The following SRRM4 variants were observed in gnomAD, a reference collection of about 807,000 sequenced individuals.
SRRM4 encodes the protein serine/arginine repetitive matrix 4, also known as serine/arginine repetitive matrix protein 4.
A neutral mutation model predicts 68.9 loss-of-function variants in SRRM4; 33 were observed. The observed-to-expected ratio is 0.48, with a 90% CI of 0.36 to 0.64. The LOEUF is 0.64. SRRM4 is among the 30% of genes least tolerant of loss of function. SRRM4 has a pLI of 0.00. For missense variants in SRRM4, 817 were observed against 827.1 expected (o/e 0.99, Z 0.15); for synonymous variants, 318 against 318.8 (o/e 1.00, Z 0.03).
chr12:119,122,527 A>G (rs1255427974), intron 6 of SRRM4, among the ~76,000 whole-genome samples: 1 of 152,106 alleles, frequency 6.6e-6, no homozygotes, highest in African/African-American at 2.4e-5. Flanking sequence ...CATAGTATGT[A>G]TATATCTAGT....
chr12:119,122,300 A>AGGAAGGAAGGAAGGC (rs1565913366), intron 6 of SRRM4, among the ~76,000 whole-genome samples, 180 bp downstream of exon 6: 15 of 67,044 alleles, frequency 2.2e-4, no homozygotes, highest in African/African-American at 5.7e-4. Context: ...GGCAGGAAGG[A>AGGAAGGAAGGAAGGC]AGGAAGGAAG....
At chr12:118,987,764 T>A (rs1953291402) in intron 1 of SRRM4, among the ~76,000 whole-genome samples, 1 of 152,220 alleles carries the variant, frequency 6.6e-6, no homozygotes, top group Non-Finnish European at 1.5e-5. Flanking sequence ...GATAGGTTTT[T>A]TCGTTACTAT....
intron 1 of SRRM4, among the ~76,000 whole-genome samples, chr12:118,992,764 G>C (rs1323541123): frequency 1.3e-5 from 2 of 152,138 alleles, no homozygotes; most frequent in Non-Finnish European, 2.9e-5. Context: ...CTCAAATATA[G>C]CCTCTTCATT....
rs1592919342 is a variant in SRRM4 at position 119,154,499 on chromosome 12, G to C, written c.1532+116G>C. The C allele has an allele frequency of 8.4e-7, 1 of 1,191,354 alleles. No homozygotes were observed. The highest frequency in any genetic ancestry group is 1.2e-6 in the Non-Finnish European group (1 of 848,120). The allele number at this position is 1,191,354 out of a possible 1,614,324, so 73.8% of individuals were successfully genotyped here. On this transcript the variant is annotated intron_variant, in intron 12 of 12. Transcript: ENST00000267260. This position sits in a 1 kb window ranked among gnomAD's most constrained non-coding sequence, Gnocchi z 4.7. ...TTGGGGCTGGGATTTAGGATTGTGC[G>C]AGCTTATGGTCCCCCCAACCCCAAC...
intron 1 of SRRM4, among the ~76,000 whole-genome samples, chr12:119,059,674 T>A (rs1288611542): frequency 6.6e-6 from 1 of 152,142 alleles, no homozygotes; most frequent in Non-Finnish European, 1.5e-5. Flanking sequence ...AGGGACATGA[T>A]CTTATCTTAA....
intron 1 of SRRM4, among the ~76,000 whole-genome samples, chr12:119,060,821 C>A (rs892657062): frequency 6.6e-6 from 1 of 152,106 alleles, no homozygotes; most frequent in Non-Finnish European, 1.5e-5. Context: ...GATCAGCTCA[C>A]GCCCGCTCTT....
intron 7 of SRRM4, among the ~76,000 whole-genome samples, chr12:119,127,413 T>C (rs1277980978): frequency 6.6e-6 from 1 of 151,892 alleles, no homozygotes; most frequent in Non-Finnish European, 1.5e-5. Flanking sequence ...TTTTCCCAAA[T>C]AAAGCAGAAT....
chr12:119,107,369 G>T (rs187605279), intron 2 of SRRM4, among the ~76,000 whole-genome samples: 5 of 152,240 alleles, frequency 3.3e-5, no homozygotes, highest in Admixed American at 3.3e-4. Context: ...TTTTTCTATT[G>T]ATTGGAATAG....
intron 5 of SRRM4, among the ~76,000 whole-genome samples, chr12:119,120,640 C>T (rs183935308): frequency 8.6e-4 from 131 of 152,290 alleles, no homozygotes; most frequent in Middle Eastern, 3.4e-3. Context: ...GCCAAGTCCT[C>T]GTATACTGGA....
chr12:119,103,367 A>G (rs1592898975), intron 2 of SRRM4, among the ~76,000 whole-genome samples: 1 of 152,238 alleles, frequency 6.6e-6, no homozygotes, highest in East Asian at 1.9e-4. Context: ...CAAGTATCAA[A>G]CCCATTACCC....
intron 1 of SRRM4, among the ~76,000 whole-genome samples, chr12:118,996,330 C>T (rs1195584553): frequency 1.3e-5 from 2 of 152,184 alleles, no homozygotes; most frequent in African/African-American, 4.8e-5. Context: ...CATGCATATT[C>T]ATTTATATCA....
At chr12:119,005,356 C>T (rs1242585547) in intron 1 of SRRM4, among the ~76,000 whole-genome samples, 1 of 152,326 alleles carries the variant, frequency 6.6e-6, no homozygotes. Flanking sequence ...CAGTGGTTCT[C>T]GAACTTGGAG....
intron 6 of SRRM4, among the ~76,000 whole-genome samples, chr12:119,122,850 T>C (rs1224614520): frequency 6.6e-6 from 1 of 152,188 alleles, no homozygotes; most frequent in Non-Finnish European, 1.5e-5. Flanking sequence ...TGAATTCATG[T>C]GCTGACTGTT....
At chr12:119,147,521 T>C (rs1241158442) in intron 9 of SRRM4, among the ~76,000 whole-genome samples, 4 of 152,136 alleles carry the variant, frequency 2.6e-5, no homozygotes, top group African/African-American at 9.7e-5. Context: ...ACCACGTTGG[T>C]GGAGGATGCT....
intron 1 of SRRM4, among the ~76,000 whole-genome samples, chr12:119,061,266 G>A (rs1298728057): frequency 2.0e-5 from 3 of 152,112 alleles, no homozygotes; most frequent in Non-Finnish European, 2.9e-5. Context: ...CCAACGGTGG[G>A]GGCAGAGTGT....
intron 2 of SRRM4, among the ~76,000 whole-genome samples, chr12:119,108,648 T>G (rs1592900866): frequency 8.2e-6 from 1 of 122,132 alleles, no homozygotes. Context: ...CCCTGTTTGT[T>G]TTTTTTTTGT....
At chr12:119,037,374 T>G (rs1184729324) in intron 1 of SRRM4, among the ~76,000 whole-genome samples, 1 of 152,064 alleles carries the variant, frequency 6.6e-6, no homozygotes, top group Non-Finnish European at 1.5e-5. Context: ...TGGGTGGAGC[T>G]GGTGGGGAGG....
rs895339316 is a variant in SRRM4 at position 119,156,387 on chromosome 12, G to A, written c.1533-108G>A. On this transcript the variant is annotated intron_variant, in intron 12 of 12. Transcript: ENST00000267260. Reference sequence around the variant, plus strand: ...TGGAAAGGGAGTATTTTTTCCTAAGGGACTGGGGAAAGGGAGGATATTGGT... The same window carrying A: ...TGGAAAGGGAGTATTTTTTCCTAAGAGACTGGGGAAAGGGAGGATATTGGT... 72 of 1,446,482 alleles carry A rather than the reference G, an allele frequency of 5.0e-5. No homozygotes were observed. The African/African-American group carries it at 9.3e-4, about 19-fold the overall frequency. The allele number at this position is 1,446,482 out of a possible 1,614,324, so 89.6% of individuals were successfully genotyped here. A position where few individuals can be genotyped will look rare whatever the true frequency, so the allele number is the denominator to read the frequency against.
chr12:119,145,695 C>T lies in SRRM4; in HGVS notation c.1076+10C>T, dbSNP rs746450832. On this transcript the variant is annotated intron_variant, in intron 9 of 12. Coordinates refer to ENST00000267260, the MANE Select transcript of SRRM4 (RefSeq NM_194286.4). Reference sequence around the variant, plus strand: ...GGGGCAGAGAGTCAAGGTCAGTGCACCACACAGGGTCGGGGGTAGACGGTC... The same window carrying T: ...GGGGCAGAGAGTCAAGGTCAGTGCATCACACAGGGTCGGGGGTAGACGGTC... 6.6e-7 allele frequency: 1 copy of T among 1,507,176 alleles called. No homozygotes were observed. Among genetic ancestry groups the T allele is most frequent in the Non-Finnish European group, 8.9e-7 (1 of 1,128,466 alleles). 93.4% of individuals were successfully genotyped at this position (1,507,176 alleles called of 1,614,324 possible). A position where few individuals can be genotyped will look rare whatever the true frequency, so the allele number is the denominator to read the frequency against.
Sources: allele counts gnomAD v4.1 joint callset (sites outside exome capture counted in the v4.1 genomes callset), GRCh38; gene constraint gnomAD v4.1.1; non-coding constraint Gnocchi (gnomAD v3.1); transcripts MANE v1.5; gene names NCBI Gene and HGNC (gene_info 2026-07-23, HGNC 2026-07-21).